The following CEP112 variants were observed in gnomAD, a reference collection of about 807,000 sequenced individuals.
The protein encoded by CEP112 is centrosomal protein of 112 kDa.
Under a neutral mutation model 153.0 loss-of-function variants are expected in CEP112, and 127 were observed. The ratio of observed to expected loss-of-function variants is 0.83; its 90% CI spans 0.72 to 0.96. The LOEUF (loss-of-function observed/expected upper bound fraction) is 0.96. Among genes scored for constraint, CEP112 ranks in the 40% least tolerant of loss-of-function variants. CEP112 has a pLI of 0.00. For synonymous variants in CEP112, 358 were observed against 374.4 expected, an observed-to-expected ratio of 0.96 and a Z score of 0.51; for missense variants, 1,089 against 1,101.2, an observed-to-expected ratio of 0.99 and a Z score of 0.16.
intron 21 of CEP112, among the ~76,000 whole-genome samples, chr17:65,831,385 G>A (rs564829697): frequency 7.2e-5 from 11 of 152,022 alleles, no homozygotes; most frequent in Non-Finnish European, 1.3e-4. Flanking sequence ...GTGAAACCCC[G>A]TCTCTACTAA....
At chr17:65,666,805 C>T (rs1371305608) in intron 24 of CEP112, among the ~76,000 whole-genome samples, 1 of 152,026 alleles carries the variant, frequency 6.6e-6, no homozygotes, top group Non-Finnish European at 1.5e-5. Flanking sequence ...TTTGAGCATT[C>T]ATGAGGCAGT....
chr17:65,932,827 C>T (rs920042927), intron 18 of CEP112, among the ~76,000 whole-genome samples: 33 of 151,918 alleles, frequency 2.2e-4, no homozygotes, highest in Non-Finnish European at 7.4e-5. Context: ...TCACCTCCCG[C>T]CAGGCCCAGA....
At position 66,081,914 on chromosome 17, in the gene CEP112, CAG is replaced by C. The variant is rs762794594; in HGVS notation, c.769-11915_769-11914del. On this transcript the variant is annotated intron_variant, in intron 8 of 26. Transcript: ENST00000535342. ...TTGGCAACAGAGCAAGACTCCATCTCAGGGGGAAAAAAAGGCCTACTTGGCAT... is the reference window on the plus strand; with the variant it reads ...TTGGCAACAGAGCAAGACTCCATCTCGGGGAAAAAAAGGCCTACTTGGCAT... Among the ~76,000 whole-genome samples, 26 of 152,032 alleles carry C rather than the reference CAG, an allele frequency of 1.7e-4. 1 individual carries two copies. The East Asian group carries it at 3.9e-3, about 23-fold the overall frequency.
chr17:65,966,239 C>A (rs1251754996), intron 17 of CEP112, among the ~76,000 whole-genome samples: 5 of 152,184 alleles, frequency 3.3e-5, no homozygotes, highest in African/African-American at 7.2e-5. Context: ...TAAACAACCA[C>A]AAGCCAGCTC....
intron 17 of CEP112, among the ~76,000 whole-genome samples, chr17:65,987,754 G>A (rs1376233075): frequency 6.6e-6 from 1 of 152,178 alleles, no homozygotes; most frequent in Non-Finnish European, 1.5e-5. Flanking sequence ...GAGAGTAGGA[G>A]AACCACACTT....
chr17:65,903,047 A>G (rs2059934167), intron 19 of CEP112: 1 of 152,182 alleles, frequency 6.6e-6, no homozygotes, highest in African/African-American at 2.4e-5. Context: ...TGGTTGCCGC[A>G]GCTTTGATAC....
At chr17:66,170,201 A>T (rs1323804094) in intron 4 of CEP112, among the ~76,000 whole-genome samples, 1 of 152,136 alleles carries the variant, frequency 6.6e-6, no homozygotes, top group Non-Finnish European at 1.5e-5. Flanking sequence ...CCCACACTCA[A>T]GGGGAGGGGA....
chr17:65,749,265 G>C lies in CEP112; in HGVS notation c.2457+1397C>G, dbSNP rs560737048. 5.9e-5 allele frequency among the ~76,000 whole-genome samples: 9 copies of C among 152,206 alleles called. 1 individual carries two copies. Among genetic ancestry groups the C allele is most frequent in the African/African-American group, 2.2e-4 (9 of 41,528 alleles). ...CTCATGCCTGTAATCCCAGCATTTT[G>C]GGAGGATGAGGAGGGAGGATCACCT... On this transcript the variant is annotated intron_variant, in intron 22 of 26. Transcript: ENST00000535342.
intron 18 of CEP112, among the ~76,000 whole-genome samples, chr17:65,937,171 T>A (rs1384152658): frequency 6.8e-6 from 1 of 146,046 alleles, no homozygotes; most frequent in Admixed American, 7.0e-5. Context: ...CGCTGCAACC[T>A]CTACCTCCCA....
At chr17:66,083,159 A>C (rs1387107850) in intron 8 of CEP112, among the ~76,000 whole-genome samples, 1 of 152,124 alleles carries the variant, frequency 6.6e-6, no homozygotes, top group Non-Finnish European at 1.5e-5. Context: ...ACCCAGTGAG[A>C]GGTAATTGAA....
intron 20 of CEP112, among the ~76,000 whole-genome samples, chr17:65,892,691 C>G (rs1405642977): frequency 6.6e-6 from 1 of 152,092 alleles, no homozygotes; most frequent in African/African-American, 2.4e-5. Context: ...CTAACGACAG[C>G]TTTGGCAGTA....
At chr17:65,654,739 T>C (rs1362190146) in intron 24 of CEP112, among the ~76,000 whole-genome samples, 2 of 152,180 alleles carry the variant, frequency 1.3e-5, no homozygotes, top group Non-Finnish European at 2.9e-5. Context: ...AAAGGTCTGG[T>C]AAGTCTGCCT....
At chr17:65,893,240 G>T (rs983469716) in intron 20 of CEP112, among the ~76,000 whole-genome samples, 15 of 152,124 alleles carry the variant, frequency 9.9e-5, no homozygotes, top group Non-Finnish European at 1.5e-4. Flanking sequence ...CTAGATCCAG[G>T]TCACATCATT....
chr17:65,723,813 T>C lies in CEP112; in HGVS notation c.2607+19255A>G, dbSNP rs530969567. Reference sequence around the variant, plus strand: ...AAAATAATGCAATTTGTGGTACATGTAAAATGTTACTTCTTAAAAAGCTCT... The same window carrying C: ...AAAATAATGCAATTTGTGGTACATGCAAAATGTTACTTCTTAAAAAGCTCT... On this transcript the variant is annotated intron_variant, in intron 23 of 26. Coordinates refer to ENST00000535342, the MANE Select transcript of CEP112 (RefSeq NM_001199165.4). Among the ~76,000 whole-genome samples the C allele has an allele frequency of 3.9e-5, 6 of 152,346 alleles. No homozygotes were observed. The South Asian group carries it at 1.0e-3, about 26-fold the overall frequency.
intron 14 of CEP112, among the ~76,000 whole-genome samples, chr17:66,028,773 G>A (rs562463240): frequency 6.6e-6 from 1 of 151,952 alleles, no homozygotes; most frequent in South Asian, 2.1e-4. Flanking sequence ...AATGAAAGCA[G>A]AACCAAGATT....
chr17:65,938,440 A>G (rs1398808750), intron 18 of CEP112, among the ~76,000 whole-genome samples: 1 of 151,824 alleles, frequency 6.6e-6, no homozygotes, highest in Non-Finnish European at 1.5e-5. Flanking sequence ...AAAGAAAGAA[A>G]AAAAAATACC....
chr17:65,894,609 C>T (rs2059597248), intron 20 of CEP112, among the ~76,000 whole-genome samples: 1 of 151,898 alleles, frequency 6.6e-6, no homozygotes, highest in African/African-American at 2.4e-5. Context: ...AACAAATATC[C>T]ACAGATCATA....
intron 19 of CEP112, among the ~76,000 whole-genome samples, chr17:65,922,067 C>T (rs989749729): frequency 3.3e-5 from 5 of 152,052 alleles, no homozygotes; most frequent in Admixed American, 1.3e-4. Flanking sequence ...TGCCAAAATC[C>T]TTTCCAAAAA....
At chr17:66,116,671 T>C (rs1032784627) in intron 6 of CEP112, among the ~76,000 whole-genome samples, 12 of 152,194 alleles carry the variant, frequency 7.9e-5, no homozygotes, top group African/African-American at 2.9e-4. Flanking sequence ...AATGAACTCA[T>C]TTAATTAGAA....
Sources: allele counts gnomAD v4.1 joint callset (sites outside exome capture counted in the v4.1 genomes callset), GRCh38; gene constraint gnomAD v4.1.1; transcripts MANE v1.5; gene names NCBI Gene and HGNC (gene_info 2026-07-23, HGNC 2026-07-21).